The following COL9A2 variants were observed in gnomAD, a reference collection of about 807,000 sequenced individuals.
COL9A2 encodes collagen type IX alpha 2 chain.
Under a neutral mutation model 111.6 loss-of-function variants are expected in COL9A2, and 66 were observed. That is an observed-to-expected ratio of 0.59 (90% CI 0.48 to 0.73). The LOEUF is 0.73. Among genes scored for constraint, COL9A2 ranks in the 30% least tolerant of loss-of-function variants. The pLI, the probability that COL9A2 is intolerant of heterozygous loss-of-function variation, is 0.00. For synonymous variants in COL9A2, 353 were observed against 364.1 expected (o/e 0.97, Z 0.35); for missense variants, 881 against 954.1 (o/e 0.92, Z 1.01).
chr1:40,304,760 C>T, intron 22 of COL9A2, 34 bp downstream of exon 22: 2 of 1,539,116 alleles, frequency 1.3e-6, no homozygotes, highest in Non-Finnish European at 1.8e-6. Context: ...GCCGCAGAGG[C>T]CCCCGGGGAG....
chr1:40,310,221 C>A lies in COL9A2; in HGVS notation c.738+43G>T, dbSNP rs1644100072. ...TGGCTGAACTCCAGGGGCCAGAAGG[C>A]AGCTCCTGGAAGCTCTTGTAGAACA... On this transcript the variant is annotated intron_variant, in intron 14 of 31. Transcript: ENST00000372748. This position sits in a 1 kb window ranked among gnomAD's most constrained non-coding sequence, Gnocchi z 4.9. 1 of 1,613,116 alleles carries A rather than the reference C, an allele frequency of 6.2e-7. No individual in the cohort carries two copies. The highest frequency in any genetic ancestry group is 1.7e-5 in the Admixed American group (1 of 60,024).
Position 40,303,536 on chromosome 1 carries a change from G to T in COL9A2, c.1542C>A (p.Gly514=). 1 of 1,612,670 alleles carries T rather than the reference G, an allele frequency of 6.2e-7. No individual in the cohort carries two copies. Among genetic ancestry groups the T allele is most frequent in the Non-Finnish European group, 8.5e-7 (1 of 1,179,792 alleles). The change falls in exon 28 of 32, where the codon GGC becomes GGA. Residue 514 remains glycine (G), a synonymous_variant. Coordinates refer to ENST00000372748, the MANE Select transcript of COL9A2 (RefSeq NM_001852.4). This position sits in a 1 kb window ranked among gnomAD's most constrained non-coding sequence, Gnocchi z 4.6. ...RGVPGQPGRQ[G]VEGRDATDQH... ...ACCCCGGGGCCCGACTCACCTCCAC[G>T]CCCTGTCTCCCGGGCTGTCCTGGCA... is the stretch of plus-strand genomic sequence containing the variant.
Position 40,314,479 on chromosome 1 carries a change from C to A in COL9A2, c.151-92G>T. 1.4e-6 allele frequency: 2 copies of A among 1,397,068 alleles called. No homozygotes were observed. The highest frequency in any genetic ancestry group is 2.0e-6 in the Non-Finnish European group (2 of 983,392). The allele number at this position is 1,397,068 out of a possible 1,614,324, so 86.5% of individuals were successfully genotyped here. On this transcript the variant is annotated intron_variant, in intron 2 of 31. Coordinates refer to ENST00000372748, the MANE Select transcript of COL9A2 (RefSeq NM_001852.4). This position sits in a 1 kb window ranked among gnomAD's most constrained non-coding sequence, Gnocchi z 4.1. The stretch of plus-strand genomic sequence containing the variant: ...CCCTGGCAGGCCGCTCCCAAAGGCT[C>A]TCCTCACTCTCCTCTCTTCTGTCCA...
rs1262968859 is a variant in COL9A2 at position 40,312,643 on chromosome 1, G to T, written c.304-34C>A. On this transcript the variant is annotated intron_variant, in intron 5 of 31. Transcript: ENST00000372748. The surrounding 1 kb of genome is among the most constrained non-coding windows in gnomAD (Gnocchi z 6.0). ...GCAACGAGAAAGGCTCAGAGGCTGG[G>T]GTTTCCCCGGCTCCTACTTCCTCTC... is the stretch of plus-strand genomic sequence containing the variant. 1.2e-6 allele frequency: 2 copies of T among 1,611,354 alleles called. No individual in the cohort carries two copies. Among genetic ancestry groups the T allele is most frequent in the Non-Finnish European group, 1.7e-6 (2 of 1,178,810 alleles).
rs757450923 is a variant in COL9A2 at position 40,311,144 on chromosome 1, C to T, written c.579G>A (p.Gly193=). Reference sequence around the variant, plus strand: ...CCAGAATCCCGCGTTTGCCCGCATGCCCCTGAAGGGAAGGAGAGAGCTCAA... The same window carrying T: ...CCAGAATCCCGCGTTTGCCCGCATGTCCCTGAAGGGAAGGAGAGAGCTCAA... ...KGPPGLQGVK[G]HAGKRGILGD... The change falls in exon 12 of 32, where the codon GGG becomes GGA. Residue 193 remains glycine (G), a splice_region_variant and synonymous_variant. Coordinates refer to ENST00000372748, the MANE Select transcript of COL9A2 (RefSeq NM_001852.4). This position sits in a 1 kb window ranked among gnomAD's most constrained non-coding sequence, Gnocchi z 5.1. 30 of 1,614,114 alleles carry T rather than the reference C, an allele frequency of 1.9e-5. No individual in the cohort carries two copies. In the African/African-American group the frequency reaches 3.5e-4, roughly 19 times the overall value.
At position 40,317,042 on chromosome 1, in the gene COL9A2, G is replaced by C. The variant is rs1644230361; in HGVS notation, c.75+81C>G. On this transcript the variant is annotated intron_variant, in intron 1 of 31. Transcript: ENST00000372748. The surrounding 1 kb of genome is among the most constrained non-coding windows in gnomAD (Gnocchi z 4.3). ...TCGGGCTAGGGGTGTCAGTAGGCGC[G>C]GGACACAGGCAGAGCTCCTCCATCC... 7.1e-7 allele frequency: 1 copy of C among 1,405,510 alleles called. No individual in the cohort carries two copies. Among genetic ancestry groups the C allele is most frequent in the African/African-American group, 1.4e-5 (1 of 70,078 alleles). 87.1% of individuals were successfully genotyped at this position (1,405,510 alleles called of 1,614,324 possible).
At chr1:40,313,874 C>G (rs1644172461) in intron 4 of COL9A2, among the ~76,000 whole-genome samples, 2 of 152,014 alleles carry the variant, frequency 1.3e-5, no homozygotes. Flanking sequence ...ACAGGGCACA[C>G]AAGGACAGCC....
rs1557791704 is a variant in COL9A2, at chr1:40,303,094, C to T, written c.1603+37G>A. On this transcript the variant is annotated intron_variant, in intron 29 of 31. Transcript: ENST00000372748. The surrounding 1 kb of genome is among the most constrained non-coding windows in gnomAD (Gnocchi z 4.6). ...GAGGGGGTGAGGGGGCGGCGATGCC[C>T]TCGAACTGACTGTGAGGAGGGGTTG... The T allele has an allele frequency of 2.5e-6, 4 of 1,604,446 alleles. No individual in the cohort carries two copies. Among genetic ancestry groups the T allele is most frequent in the South Asian group, 1.1e-5 (1 of 89,380 alleles).
At chr1:40,313,698 G>A (rs1049864439) in intron 4 of COL9A2, among the ~76,000 whole-genome samples, 2 of 152,142 alleles carry the variant, frequency 1.3e-5, no homozygotes, top group Admixed American at 1.3e-4. Flanking sequence ...CTGACCCAGT[G>A]TAACCCCCAT....
At position 40,317,166 on chromosome 1, in the gene COL9A2, A is replaced by T; in HGVS notation, c.32T>A (p.Leu11His). 6.3e-7 allele frequency: 1 copy of T among 1,589,814 alleles called. No individual in the cohort carries two copies. Among genetic ancestry groups the T allele is most frequent in the South Asian group, 1.1e-5 (1 of 87,260 alleles). The change falls in exon 1 of 32, where the codon CTC becomes CAC. Residue 11 changes from leucine (L) to histidine (H), a missense_variant. Coordinates refer to ENST00000372748, the MANE Select transcript of COL9A2 (RefSeq NM_001852.4). The surrounding 1 kb of genome is among the most constrained non-coding windows in gnomAD (Gnocchi z 4.3). MAAATASPRS[L>H]LVLLQVVVLA... ...CACTACCACCTGGAGGAGAACAAGG[A>T]GGCTGCGGGGGGAGGCCGTAGCGGC...
intron 16 of COL9A2, among the ~76,000 whole-genome samples, chr1:40,309,189 C>T (rs61320636): frequency 2.0e-5 from 3 of 151,852 alleles, no homozygotes; most frequent in Admixed American, 1.3e-4. Context: ...TGCAGTGAGC[C>T]GAGATCGCAC....
chr1:40,316,186 G>A lies in COL9A2; in HGVS notation c.76-522C>T, dbSNP rs568736259. The stretch of plus-strand genomic sequence containing the variant: ...CTCTCCCCATGGTGCGGGAAAACCC[G>A]ACGGGAAAGTGGGGGAGGCGCAGAG... On this transcript the variant is annotated intron_variant, in intron 1 of 31. Transcript: ENST00000372748. This position sits in a 1 kb window ranked among gnomAD's most constrained non-coding sequence, Gnocchi z 5.5. 5.0e-5 allele frequency: 8 copies of A among 161,506 alleles called. 1 individual carries two copies. The South Asian group carries it at 8.9e-4, about 18-fold the overall frequency. The allele number at this position is 161,506 out of a possible 1,614,324, so 10.0% of individuals were successfully genotyped here.
At chr1:40,301,956 T>C in intron 30 of COL9A2, 67 bp from the exon 31 acceptor site, 2 of 1,462,126 alleles carry the variant, frequency 1.4e-6, no homozygotes, top group South Asian at 1.2e-5. Flanking sequence ...TTTTTTGCTA[T>C]GTTTCACGCA....
intron 2 of COL9A2, 151 bp downstream of exon 2, chr1:40,315,439 C>T: frequency 6.9e-7 from 1 of 1,444,310 alleles, no homozygotes; most frequent in South Asian, 1.5e-5. Flanking sequence ...GAACAAACGG[C>T]GTCCTTGTGG....
chr1:40,303,055 C>G lies in COL9A2; in HGVS notation c.1603+76G>C. 2 of 1,462,212 alleles carry G rather than the reference C, an allele frequency of 1.4e-6. No individual in the cohort carries two copies. Among genetic ancestry groups the G allele is most frequent in the Non-Finnish European group, 1.9e-6 (2 of 1,062,002 alleles). The allele number at this position is 1,462,212 out of a possible 1,614,324, so 90.6% of individuals were successfully genotyped here. The stretch of plus-strand genomic sequence containing the variant: ...CTCCAGATTTTCAGACAAGTGAACA[C>G]GTGGAGGCTCCGGGAGGGGGTGAGG... On this transcript the variant is annotated intron_variant, in intron 29 of 31. Coordinates refer to ENST00000372748, the MANE Select transcript of COL9A2 (RefSeq NM_001852.4). This position sits in a 1 kb window ranked among gnomAD's most constrained non-coding sequence, Gnocchi z 4.6.
chr1:40,310,035 G>T lies in COL9A2; in HGVS notation c.793-44C>A, dbSNP rs778082583. On this transcript the variant is annotated intron_variant, in intron 15 of 31. Transcript: ENST00000372748. The surrounding 1 kb of genome is among the most constrained non-coding windows in gnomAD (Gnocchi z 4.9). ...AGGAATCCAGGTCACACAGGCTCAG[G>T]GGGAGCCATGCCCACTCTGTGGCTG... The T allele has an allele frequency of 6.2e-7, 1 of 1,613,598 alleles. No homozygotes were observed. Among genetic ancestry groups the T allele is most frequent in the Non-Finnish European group, 8.5e-7 (1 of 1,179,502 alleles).
rs926782870 is a variant in COL9A2, at chr1:40,314,003, C to T, written c.249+202G>A. 2.0e-5 allele frequency among the ~76,000 whole-genome samples: 3 copies of T among 152,118 alleles called. No homozygotes were observed. Among genetic ancestry groups the T allele is most frequent in the African/African-American group, 7.2e-5 (3 of 41,380 alleles). On this transcript the variant is annotated intron_variant, in intron 4 of 31. Coordinates refer to ENST00000372748, the MANE Select transcript of COL9A2 (RefSeq NM_001852.4). This position sits in a 1 kb window ranked among gnomAD's most constrained non-coding sequence, Gnocchi z 4.1. ...GAAAGCAGACCCTCTCTCTGGACCC[C>T]GGTTGCCTGCAAATCAATGACCCTG... is the stretch of plus-strand genomic sequence containing the variant.
At chr1:40,315,329 G>C (rs1644200536) in intron 2 of COL9A2, 2 of 1,331,552 alleles carry the variant, frequency 1.5e-6, no homozygotes, top group Admixed American at 6.9e-5. Flanking sequence ...GGGGGATGAG[G>C]CCTCGCTGTG....
Position 40,317,278 on chromosome 1 carries a change from T to C in COL9A2, c.-81A>G, listed in dbSNP as rs996209011. ...GAGTCTCCCGGCGCTCCTCCAGCGC[T>C]GGCTGTTCGCGGGCAGGGTGGGCTG... On this transcript the variant is annotated 5_prime_UTR_variant, in exon 1 of 32. Coordinates refer to ENST00000372748, the MANE Select transcript of COL9A2 (RefSeq NM_001852.4). This position sits in a 1 kb window ranked among gnomAD's most constrained non-coding sequence, Gnocchi z 4.3. 12 of 570,106 alleles carry C rather than the reference T, an allele frequency of 2.1e-5. No individual in the cohort carries two copies. The highest frequency in any genetic ancestry group is 3.2e-5 in the Non-Finnish European group (11 of 348,204). The allele number at this position is 570,106 out of a possible 1,614,324, so 35.3% of individuals were successfully genotyped here.
Sources: allele counts gnomAD v4.1 joint callset (sites outside exome capture counted in the v4.1 genomes callset), GRCh38; gene constraint gnomAD v4.1.1; non-coding constraint Gnocchi (gnomAD v3.1); transcripts MANE v1.5; gene names NCBI Gene and HGNC (gene_info 2026-07-23, HGNC 2026-07-21).